YTHDC1: variants seen among roughly 807,000 people sequenced by gnomAD.
YTHDC1 encodes the protein YTH N6-methyladenosine RNA binding protein C1.
A neutral mutation model predicts 107.0 loss-of-function variants in YTHDC1; 12 were observed. That is an observed-to-expected ratio of 0.11 (90% CI 0.07 to 0.18). The LOEUF (loss-of-function observed/expected upper bound fraction) is 0.18, where lower values mean the gene tolerates loss of function less well. Ranked by LOEUF, YTHDC1 falls within the 10% of genes least tolerant of loss-of-function variation. The pLI, the probability that YTHDC1 is intolerant of heterozygous loss-of-function variation, is 1.00. For synonymous variants in YTHDC1, 280 were observed against 289.5 expected, an observed-to-expected ratio of 0.97 and a Z score of 0.33; for missense variants, 635 against 898.8, an observed-to-expected ratio of 0.71 and a Z score of 3.75.
In YTHDC1 at chr4:68,312,235, G is replaced by A. The variant is rs148259657; in HGVS notation, c.*1864C>T. 7 of 152,312 alleles carry A rather than the reference G, an allele frequency of 4.6e-5. No individual in the cohort carries two copies. The highest frequency in any genetic ancestry group is 1.4e-4 in the African/African-American group (6 of 41,578). 9.4% of individuals were successfully genotyped at this position (152,312 alleles called of 1,614,324 possible). On this transcript the variant is annotated 3_prime_UTR_variant, in exon 17 of 17. Coordinates refer to ENST00000344157, the MANE Select transcript of YTHDC1 (RefSeq NM_001031732.4). ...TTACTACCTTTCTAATCTTGGGCAA[G>A]TTTACTAGCCTCTCTGAGCCCATTT...
In YTHDC1 at chr4:68,350,086, GA is replaced by G; in HGVS notation, c.-334del. ...TCCTGCGCGAAACAATCCCGCTCCC[GA>G]AATGCCCTGCGCTGTTTACGCTTCG... On this transcript the variant is annotated 5_prime_UTR_variant, in exon 1 of 17. Transcript: ENST00000344157. The G allele has an allele frequency of 2.1e-6, 1 of 476,726 alleles. No individual in the cohort carries two copies. Among genetic ancestry groups the G allele is most frequent in the East Asian group, 3.9e-5 (1 of 25,708 alleles). The allele number at this position is 476,726 out of a possible 1,614,324, so 29.5% of individuals were successfully genotyped here.
intron 10 of YTHDC1, 112 bp downstream of exon 10, chr4:68,324,027 A>C: frequency 1.1e-6 from 1 of 900,904 alleles, no homozygotes; most frequent in East Asian, 2.5e-5. Flanking sequence ...TATTTTTTCA[A>C]ATTCTCACGT....
At chr4:68,325,672 C>T (rs139898868) in intron 9 of YTHDC1, among the ~76,000 whole-genome samples, 20 of 152,232 alleles carry the variant, frequency 1.3e-4, no homozygotes, top group African/African-American at 4.8e-4. Context: ...TGTGAGCCAC[C>T]ACACCTGGCC....
At chr4:68,330,447 T>A in intron 7 of YTHDC1, 137 bp from the exon 8 acceptor site, 1 of 522,044 alleles carries the variant, frequency 1.9e-6, no homozygotes, top group South Asian at 5.2e-5. Context: ...GTTTTATTTA[T>A]CAGCTGTCAG....
chr4:68,322,425 C>T lies in YTHDC1; in HGVS notation c.1601+324G>A, dbSNP rs559566330. On this transcript the variant is annotated intron_variant, in intron 11 of 16. Coordinates refer to ENST00000344157, the MANE Select transcript of YTHDC1 (RefSeq NM_001031732.4). This position sits in a 1 kb window ranked among gnomAD's most constrained non-coding sequence, Gnocchi z 4.8. ...AAATAAAGACTTCCTCCTCTTCCTC[C>T]TTTCTAGCCTGTTCTTAGCAACAAA... is the stretch of plus-strand genomic sequence containing the variant. 1 of 255,814 alleles carries T rather than the reference C, an allele frequency of 3.9e-6. No individual in the cohort carries two copies. Among genetic ancestry groups the T allele is most frequent in the Admixed American group, 5.3e-5 (1 of 18,696 alleles). The allele number at this position is 255,814 out of a possible 1,614,324, so 15.8% of individuals were successfully genotyped here. A position where few individuals can be genotyped will look rare whatever the true frequency, so the allele number is the denominator to read the frequency against.
chr4:68,317,958 T>G (rs1722039830), intron 15 of YTHDC1, among the ~76,000 whole-genome samples: 1 of 152,152 alleles, frequency 6.6e-6, no homozygotes, highest in South Asian at 2.1e-4. Flanking sequence ...AAAAGAAATA[T>G]ATCTGAACCC....
chr4:68,340,427 T>TA (rs1263885793), intron 1 of YTHDC1, among the ~76,000 whole-genome samples: 4 of 152,056 alleles, frequency 2.6e-5, no homozygotes, highest in Non-Finnish European at 5.9e-5. Flanking sequence ...TGTTTACTTT[T>TA]AAAAAATCTT....
intron 7 of YTHDC1, 77 bp downstream of exon 7, chr4:68,332,026 C>T: frequency 1.2e-6 from 1 of 867,030 alleles, no homozygotes; most frequent in African/African-American, 1.7e-5. Context: ...ACCTATGCTA[C>T]TTGATATAAT....
Position 68,337,172 on chromosome 4 carries a change from T to C in YTHDC1, c.738A>G (p.Glu246=), listed in dbSNP as rs549371974. The part of the protein sequence containing the change: ...EEEEEEEEEE[E]EEEYEQDERD... ...TCTCATCCTGTTCATATTCTTCTTC[T>C]TCCTCCTCCTCCTCCTCCTCTTCCT... The change falls in exon 4 of 17, where the codon GAA becomes GAG. Residue 246 remains glutamate, a synonymous_variant. Coordinates refer to ENST00000344157, the MANE Select transcript of YTHDC1 (RefSeq NM_001031732.4). 161 of 1,605,804 alleles carry C rather than the reference T, an allele frequency of 1.0e-4. No homozygotes were observed. The highest frequency in any genetic ancestry group is 3.3e-4 in the Middle Eastern group (2 of 6,042).
rs750701639 is a variant in YTHDC1 at position 68,311,432 on chromosome 4, T to A, written c.*2667A>T. ...ACCGGATTTCTAAACTCGGAATGAC[T>A]GAATTTTCTGTTTTTCATCTGAACA... On this transcript the variant is annotated 3_prime_UTR_variant, in exon 17 of 17. Transcript: ENST00000344157. The A allele has an allele frequency of 3.3e-5, 5 of 152,210 alleles. No individual in the cohort carries two copies. Among genetic ancestry groups the A allele is most frequent in the Admixed American group, 6.5e-5 (1 of 15,278 alleles). 9.4% of individuals were successfully genotyped at this position (152,210 alleles called of 1,614,324 possible). A position where few individuals can be genotyped will look rare whatever the true frequency, so the allele number is the denominator to read the frequency against.
intron 9 of YTHDC1, among the ~76,000 whole-genome samples, chr4:68,324,779 T>C (rs181095763): frequency 2.6e-5 from 4 of 152,284 alleles, no homozygotes; most frequent in Admixed American, 2.0e-4. Flanking sequence ...AGTTGTACAA[T>C]AGATAATTTA....
intron 9 of YTHDC1, 40 bp downstream of exon 9, chr4:68,329,962 T>C (rs773662191): frequency 1.4e-6 from 2 of 1,458,022 alleles, no homozygotes; most frequent in South Asian, 1.1e-5. Context: ...TGGTAGTGTA[T>C]TCAAAATTTC....
chr4:68,348,789 G>A (rs183967213), intron 1 of YTHDC1, among the ~76,000 whole-genome samples: 2 of 152,174 alleles, frequency 1.3e-5, no homozygotes, highest in Non-Finnish European at 2.9e-5. Flanking sequence ...AGAGATGTGT[G>A]AGACACAGAG....
chr4:68,332,252 G>A, intron 6 of YTHDC1, 55 bp from the exon 7 acceptor site: 3 of 1,222,162 alleles, frequency 2.5e-6, no homozygotes, highest in Non-Finnish European at 3.5e-6. Flanking sequence ...CACACAAAGG[G>A]GTCAAAACTG....
rs1724183757 is a variant in YTHDC1 at position 68,336,494 on chromosome 4, A to AT, written c.883+532dup. Among the ~76,000 whole-genome samples the AT allele has an allele frequency of 2.0e-5, 3 of 152,296 alleles. No individual in the cohort carries two copies. In the South Asian group the frequency reaches 6.2e-4, roughly 32 times the overall value. On this transcript the variant is annotated intron_variant, in intron 4 of 16. Transcript: ENST00000344157. ...TATTTATAGTCTTCATCTCCATCTT[A>AT]TACCTTACACCCCAGCCCTCTTGTC...
rs766707693 is a variant in YTHDC1 at position 68,312,408 on chromosome 4, G to C, written c.*1691C>G. ...ATTCTTAAACTGTAGCTATCATCTT[G>C]TCTAGCTTACTGATGAATACACAAA... is the stretch of plus-strand genomic sequence containing the variant. On this transcript the variant is annotated 3_prime_UTR_variant, in exon 17 of 17. Transcript: ENST00000344157. The C allele has an allele frequency of 6.6e-6, 1 of 152,126 alleles. No individual in the cohort carries two copies. The highest frequency in any genetic ancestry group is 1.5e-5 in the Non-Finnish European group (1 of 68,024). 9.4% of individuals were successfully genotyped at this position (152,126 alleles called of 1,614,324 possible).
At chr4:68,333,159 C>T in intron 5 of YTHDC1, 149 bp downstream of exon 5, 1 of 632,618 alleles carries the variant, frequency 1.6e-6, no homozygotes, top group Non-Finnish European at 2.8e-6. Context: ...TAAGAAAAAG[C>T]TTAGTTTTCT....
intron 1 of YTHDC1, among the ~76,000 whole-genome samples, chr4:68,345,728 A>C (rs1725333874): frequency 6.6e-6 from 1 of 152,168 alleles, no homozygotes; most frequent in Non-Finnish European, 1.5e-5. Context: ...AAAGTGAACC[A>C]AGACAGGCAA....
intron 9 of YTHDC1, among the ~76,000 whole-genome samples, chr4:68,328,033 C>T (rs1014650403): frequency 6.6e-6 from 1 of 152,170 alleles, no homozygotes; most frequent in Admixed American, 6.5e-5. Context: ...CTGTCTACCT[C>T]TTCGGTTGCT....
Sources: allele counts gnomAD v4.1 joint callset (sites outside exome capture counted in the v4.1 genomes callset), GRCh38; gene constraint gnomAD v4.1.1; non-coding constraint Gnocchi (gnomAD v3.1); transcripts MANE v1.5; gene names NCBI Gene and HGNC (gene_info 2026-07-23, HGNC 2026-07-21).